The following TTLL5 variants were observed in gnomAD, a reference collection of about 807,000 sequenced individuals.
TTLL5 encodes tubulin polyglutamylase TTLL5.
A neutral mutation model predicts 168.4 loss-of-function variants in TTLL5; 132 were observed. That is an observed-to-expected ratio of 0.78 (90% confidence interval 0.68 to 0.91). The LOEUF is 0.91. Among genes scored for constraint, TTLL5 ranks in the 40% least tolerant of loss-of-function variants. TTLL5 has a pLI of 0.00. For synonymous variants in TTLL5, 546 were observed against 558.6 expected (o/e 0.98, Z 0.32); for missense variants, 1,545 against 1,581.5 (o/e 0.98, Z 0.39).
chr14:75,945,268 T>A (rs971222175), intron 31 of TTLL5, among the ~76,000 whole-genome samples: 18 of 148,762 alleles, frequency 1.2e-4, no homozygotes, highest in South Asian at 8.4e-4. Flanking sequence ...TAAAAAAAAA[T>A]TTTTTTTGAG....
intron 27 of TTLL5, among the ~76,000 whole-genome samples, chr14:75,804,769 A>G (rs560035004): frequency 1.3e-5 from 2 of 152,312 alleles, no homozygotes; most frequent in African/African-American, 4.8e-5. Context: ...CTGTGCCTTG[A>G]TTTCCTCATC....
At chr14:75,869,533 C>A (rs1278491036) in intron 29 of TTLL5, among the ~76,000 whole-genome samples, 4 of 152,034 alleles carry the variant, frequency 2.6e-5, no homozygotes, top group Admixed American at 2.6e-4. Context: ...TGTCAAGCAC[C>A]AAAGTGGCCA....
intron 9 of TTLL5, among the ~76,000 whole-genome samples, chr14:75,714,480 A>G (rs1887299078): frequency 6.6e-6 from 1 of 152,128 alleles, no homozygotes; most frequent in South Asian, 2.1e-4. Context: ...TTCCATCATA[A>G]CTTTTATTTC....
chr14:75,765,890 T>C (rs943614389), intron 19 of TTLL5, among the ~76,000 whole-genome samples, 172 bp from the exon 20 acceptor site: 1 of 152,000 alleles, frequency 6.6e-6, no homozygotes, highest in Non-Finnish European at 1.5e-5. Context: ...AAAACAAAAA[T>C]AAATAAAAGA....
Position 75,925,612 on chromosome 14 carries a change from G to A in TTLL5, c.3823+23388G>A, listed in dbSNP as rs1007229674. On this transcript the variant is annotated intron_variant, in intron 31 of 31. Coordinates refer to ENST00000298832, the MANE Select transcript of TTLL5 (RefSeq NM_015072.5). ...TCTCCTCACGTCCCAGACGATGGGC[G>A]GCCAGGCAGAGACGCTCCTCACTTC... is the stretch of plus-strand genomic sequence containing the variant. Among the ~76,000 whole-genome samples, 75 of 152,008 alleles carry A rather than the reference G, an allele frequency of 4.9e-4. 3 individuals are homozygous for A. Among genetic ancestry groups the A allele is most frequent in the Admixed American group, 1.8e-3 (27 of 15,292 alleles).
intron 12 of TTLL5, among the ~76,000 whole-genome samples, chr14:75,722,105 A>T (rs141025449): frequency 2.0e-5 from 3 of 152,160 alleles, no homozygotes; most frequent in East Asian, 3.9e-4. Flanking sequence ...CAGCTGTACT[A>T]TAGTATACTT....
chr14:75,674,773 A>G (rs1884012921), intron 3 of TTLL5, among the ~76,000 whole-genome samples: 1 of 152,160 alleles, frequency 6.6e-6, no homozygotes, highest in Non-Finnish European at 1.5e-5. Context: ...TGTATGATGC[A>G]AGCTATATAT....
intron 31 of TTLL5, among the ~76,000 whole-genome samples, chr14:75,950,809 A>AT (rs1342987824): frequency 6.6e-6 from 1 of 152,150 alleles, no homozygotes; most frequent in South Asian, 2.1e-4. Flanking sequence ...CTCTATAAAA[A>AT]TTTTAAAAAT....
At chr14:75,773,866 G>A (rs1189021071) in intron 21 of TTLL5, among the ~76,000 whole-genome samples, 1 of 142,084 alleles carries the variant, frequency 7.0e-6, no homozygotes, top group African/African-American at 2.6e-5. Flanking sequence ...CTTCAGGCTG[G>A]GTGACAGAGC....
chr14:75,776,234 G>T (rs1040760126), intron 22 of TTLL5, among the ~76,000 whole-genome samples: 1 of 152,172 alleles, frequency 6.6e-6, no homozygotes, highest in Non-Finnish European at 1.5e-5. Flanking sequence ...AAGTTGCATG[G>T]AATTGTTGGT....
At position 75,934,381 on chromosome 14, in the gene TTLL5, A is replaced by G. The variant is rs139804533; in HGVS notation, c.3824-20043A>G. ...GACAGATTGGCAACTTTTACGTGAT[A>G]CTGTAGATTCAACCTCACCAAATAC... On this transcript the variant is annotated intron_variant, in intron 31 of 31. Coordinates refer to ENST00000298832, the MANE Select transcript of TTLL5 (RefSeq NM_015072.5). Among the ~76,000 whole-genome samples, 298 of 152,350 alleles carry G rather than the reference A, an allele frequency of 2.0e-3. 1 individual carries two copies. The highest frequency in any genetic ancestry group is 7.0e-3 in the African/African-American group (289 of 41,576).
chr14:75,817,440 A>G (rs929901126), intron 27 of TTLL5, among the ~76,000 whole-genome samples: 1 of 152,176 alleles, frequency 6.6e-6, no homozygotes, highest in Admixed American at 6.5e-5. Context: ...CTCCTGACCT[A>G]TGGAAAACAA....
At chr14:75,862,617 C>A (rs2064573233) in intron 28 of TTLL5, among the ~76,000 whole-genome samples, 2 of 152,030 alleles carry the variant, frequency 1.3e-5, no homozygotes, top group South Asian at 4.2e-4. Context: ...AAGACTTCTG[C>A]TAGGAAGTAC....
At chr14:75,775,008 G>A (rs1261973639) in intron 21 of TTLL5, among the ~76,000 whole-genome samples, 8 of 149,788 alleles carry the variant, frequency 5.3e-5, no homozygotes, top group African/African-American at 2.0e-4. Context: ...CTGGTTTTCT[G>A]TGTTTCTGGT....
intron 27 of TTLL5, among the ~76,000 whole-genome samples, chr14:75,800,707 T>C (rs567218891): frequency 8.5e-5 from 13 of 152,192 alleles, no homozygotes; most frequent in Non-Finnish European, 1.3e-4. Context: ...TGGGGCTTCC[T>C]GAGAGCCAAA....
intron 13 of TTLL5, among the ~76,000 whole-genome samples, chr14:75,733,497 C>G (rs576427176): frequency 6.6e-6 from 1 of 151,904 alleles, no homozygotes; most frequent in East Asian, 1.9e-4. Flanking sequence ...GCCTGCAAGC[C>G]TAAGAAATTT....
chr14:75,710,746 A>G (rs1887017878), intron 9 of TTLL5: 1 of 152,196 alleles, frequency 6.6e-6, no homozygotes, highest in African/African-American at 2.4e-5. Flanking sequence ...CTGTTCAACT[A>G]TGTCGATAGT....
chr14:75,732,990 G>A (rs775055328), intron 13 of TTLL5, among the ~76,000 whole-genome samples: 2 of 152,164 alleles, frequency 1.3e-5, no homozygotes, highest in Admixed American at 6.5e-5. Flanking sequence ...TGCAGCTACA[G>A]CCAGAATTTC....
In TTLL5 at chr14:75,720,584, T is replaced by G. The variant is rs1478396559; in HGVS notation, c.935-12T>G. 2 of 1,605,574 alleles carry G rather than the reference T, an allele frequency of 1.2e-6. No individual in the cohort carries two copies. Reference sequence around the variant, plus strand: ...GATATTGAGTCTGAAATTTAAAAATTTTTGTTTGCAGCATTGATGGCCCAT... The same window carrying G: ...GATATTGAGTCTGAAATTTAAAAATGTTTGTTTGCAGCATTGATGGCCCAT... On this transcript the variant is annotated splice_polypyrimidine_tract_variant and intron_variant, in intron 11 of 31. Transcript: ENST00000298832.
Sources: allele counts gnomAD v4.1 joint callset (sites outside exome capture counted in the v4.1 genomes callset), GRCh38; gene constraint gnomAD v4.1.1; transcripts MANE v1.5; gene names NCBI Gene and HGNC (gene_info 2026-07-23, HGNC 2026-07-21).